EPHB1: variants seen among roughly 807,000 people sequenced by gnomAD.
EPHB1 encodes ephrin type-B receptor 1.
Under a neutral mutation model 94.4 loss-of-function variants are expected in EPHB1, and 30 were observed. That is an observed-to-expected ratio of 0.32 (90% CI 0.24 to 0.43). The LOEUF (loss-of-function observed/expected upper bound fraction) is 0.43, where lower values mean the gene tolerates loss of function less well. EPHB1 is among the 20% of genes least tolerant of loss of function. The pLI is 1.00. For missense variants in EPHB1, 1,055 were observed against 1,308.3 expected (o/e 0.81, Z 2.99); for synonymous variants, 522 against 489.1 (o/e 1.07, Z -0.89).
intron 1 of EPHB1, among the ~76,000 whole-genome samples, chr3:134,796,554 C>T (rs1327364934): frequency 2.6e-5 from 4 of 152,234 alleles, no homozygotes; most frequent in Admixed American, 2.6e-4. Context: ...GACACCGTGC[C>T]CGGCGCAGCG....
intron 15 of EPHB1, among the ~76,000 whole-genome samples, chr3:135,252,756 G>A (rs1475562463): frequency 1.4e-5 from 2 of 140,934 alleles, no homozygotes; most frequent in Non-Finnish European, 3.1e-5. Context: ...GGGTCAAATG[G>A]TATTTCCAGT....
At chr3:135,178,144 C>T (rs1450529285) in intron 9 of EPHB1, among the ~76,000 whole-genome samples, 1 of 151,204 alleles carries the variant, frequency 6.6e-6, no homozygotes, top group East Asian at 1.9e-4. Context: ...GCACCTGGCC[C>T]TCCTTATCTT....
intron 4 of EPHB1, among the ~76,000 whole-genome samples, chr3:135,126,166 G>A (rs1940198011): frequency 6.6e-6 from 1 of 152,112 alleles, no homozygotes; most frequent in Non-Finnish European, 1.5e-5. Context: ...ATATTGAAGA[G>A]TGCTAAAGTT....
chr3:135,101,554 G>A (rs927886501), intron 3 of EPHB1, among the ~76,000 whole-genome samples: 1 of 144,800 alleles, frequency 6.9e-6, no homozygotes, highest in African/African-American at 2.6e-5. Context: ...TTTTTTTTTT[G>A]TATTTTTAGT....
At chr3:134,896,075 A>G (rs1405296710) in intron 1 of EPHB1, among the ~76,000 whole-genome samples, 1 of 151,750 alleles carries the variant, frequency 6.6e-6, no homozygotes, top group Non-Finnish European at 1.5e-5. Context: ...CCTTCCTAGG[A>G]TCAATGGGGA....
chr3:135,106,295 A>G (rs1280614008), intron 3 of EPHB1, among the ~76,000 whole-genome samples, 153 bp from the exon 4 acceptor site: 1 of 152,198 alleles, frequency 6.6e-6, no homozygotes, highest in Non-Finnish European at 1.5e-5. Context: ...GGAAGTGTTA[A>G]ATATGGGTTT....
intron 1 of EPHB1, among the ~76,000 whole-genome samples, chr3:134,911,627 G>A (rs1464229979): frequency 6.6e-6 from 1 of 152,158 alleles, no homozygotes; most frequent in East Asian, 1.9e-4. Flanking sequence ...GTATGTGAGG[G>A]GAGTGGTACC....
At chr3:134,975,039 A>C (rs1934130133) in intron 3 of EPHB1, among the ~76,000 whole-genome samples, 1 of 130,258 alleles carries the variant, frequency 7.7e-6, no homozygotes, top group African/African-American at 3.2e-5. Context: ...GACCTCCCCC[A>C]CCTCTCTCTT....
intron 3 of EPHB1, among the ~76,000 whole-genome samples, chr3:134,968,893 T>C (rs773242097): frequency 3.9e-5 from 6 of 152,260 alleles, no homozygotes; most frequent in Non-Finnish European, 7.3e-5. Flanking sequence ...TAATAGTTTG[T>C]TGCTTTTAAT....
chr3:135,176,090 C>T (rs1941971597), intron 9 of EPHB1, among the ~76,000 whole-genome samples: 1 of 152,042 alleles, frequency 6.6e-6, no homozygotes, highest in South Asian at 2.1e-4. Flanking sequence ...AGCTATACTG[C>T]AGGAGGGAGG....
intron 2 of EPHB1, among the ~76,000 whole-genome samples, chr3:134,931,222 A>G (rs956774031): frequency 6.6e-6 from 1 of 152,256 alleles, no homozygotes; most frequent in African/African-American, 2.4e-5. Flanking sequence ...GATAAGCATA[A>G]TAAAGGGGAC....
At chr3:134,829,861 G>A (rs1233990076) in intron 1 of EPHB1, among the ~76,000 whole-genome samples, 6 of 152,144 alleles carry the variant, frequency 3.9e-5, no homozygotes, top group Non-Finnish European at 5.9e-5. Flanking sequence ...TGACAGCAGA[G>A]ATCAGAGTGA....
chr3:134,864,208 T>A (rs1437648736), intron 1 of EPHB1, among the ~76,000 whole-genome samples: 1 of 152,220 alleles, frequency 6.6e-6, no homozygotes, highest in Non-Finnish European at 1.5e-5. Flanking sequence ...TGTGGGGTTC[T>A]ATTCACCTCC....
chr3:135,226,721 C>A (rs1312974418), intron 12 of EPHB1, among the ~76,000 whole-genome samples: 1 of 152,082 alleles, frequency 6.6e-6, no homozygotes, highest in East Asian at 1.9e-4. Context: ...ATTGGTCCAA[C>A]TTGGAAGGTT....
intron 1 of EPHB1, among the ~76,000 whole-genome samples, chr3:134,848,176 T>C (rs2036913172): frequency 6.6e-6 from 1 of 152,164 alleles, no homozygotes; most frequent in Non-Finnish European, 1.5e-5. Flanking sequence ...ACTGCAGGGC[T>C]GTTGAACACA....
At position 134,836,325 on chromosome 3, in the gene EPHB1, T is replaced by C. The variant is rs560595613; in HGVS notation, c.58+40636T>C. Reference sequence around the variant, plus strand: ...TTAATAATGGATTTAAACTCCTTGTTTTCCATAAATCAGATGCAGTTTTTG... The same window carrying C: ...TTAATAATGGATTTAAACTCCTTGTCTTCCATAAATCAGATGCAGTTTTTG... On this transcript the variant is annotated intron_variant, in intron 1 of 15. Transcript: ENST00000398015. Among the ~76,000 whole-genome samples the C allele has an allele frequency of 3.3e-5, 5 of 152,382 alleles. No homozygotes were observed. The South Asian group carries it at 1.0e-3, about 32-fold the overall frequency.
At chr3:134,898,345 A>T (rs1382158196) in intron 1 of EPHB1, among the ~76,000 whole-genome samples, 1 of 152,130 alleles carries the variant, frequency 6.6e-6, no homozygotes, top group African/African-American at 2.4e-5. Context: ...TCATGGCAGG[A>T]TGGGGCTGAG....
intron 13 of EPHB1, among the ~76,000 whole-genome samples, chr3:135,245,360 A>G (rs1193139523): frequency 6.6e-6 from 1 of 152,180 alleles, no homozygotes; most frequent in Non-Finnish European, 1.5e-5. Context: ...TCTATGCACT[A>G]TGTAGTACTA....
chr3:134,915,300 T>C (rs1188930878), intron 1 of EPHB1, among the ~76,000 whole-genome samples: 1 of 152,022 alleles, frequency 6.6e-6, no homozygotes, highest in Non-Finnish European at 1.5e-5. Context: ...GGACCCCTCA[T>C]CCAATATGAC....
Sources: gnomAD v4.1 joint callset for allele counts (sites outside exome capture counted in the v4.1 genomes callset) on GRCh38, gnomAD v4.1.1 for gene constraint, MANE v1.5 for transcripts, NCBI Gene and HGNC (gene_info 2026-07-23, HGNC 2026-07-21) for gene names.